PTK2: variants seen among roughly 807,000 people sequenced by gnomAD.
PTK2 encodes focal adhesion kinase 1.
PTK2 carries 45 observed loss-of-function variants against 150.1 expected under a neutral mutation model. The ratio of observed to expected loss-of-function variants is 0.30; its 90% CI spans 0.24 to 0.38. PTK2 has a LOEUF of 0.38. PTK2 is among the 10% of genes least tolerant of loss of function. PTK2 has a pLI of 1.00. For missense variants in PTK2, 919 were observed against 1,307.3 expected, an observed-to-expected ratio of 0.70 and a Z score of 4.58; for synonymous variants, 432 against 449.2, an observed-to-expected ratio of 0.96 and a Z score of 0.48.
At chr8:140,893,134 C>G (rs2100154789) in intron 2 of PTK2, among the ~76,000 whole-genome samples, 1 of 152,112 alleles carries the variant, frequency 6.6e-6, no homozygotes, top group Non-Finnish European at 1.5e-5. Context: ...TCAAGACCAG[C>G]CTGGGCAACA....
rs769518927 is a variant in PTK2, at chr8:140,764,312, T to C, written c.1178-22A>G. 1.3e-5 allele frequency: 20 copies of C among 1,584,906 alleles called. No homozygotes were observed. In the East Asian group the frequency reaches 1.6e-4, roughly 12 times the overall value. On this transcript the variant is annotated intron_variant, in intron 14 of 31. Coordinates refer to ENST00000522684, the Ensembl canonical transcript of PTK2. ...GTTTCTGCAGGAAAAGAAACAGATA[T>C]GTTGAAAGAGGTTAAACATCTGACC...
At chr8:140,889,045 A>T (rs1015894023) in intron 3 of PTK2, among the ~76,000 whole-genome samples, 9 of 152,190 alleles carry the variant, frequency 5.9e-5, no homozygotes, top group African/African-American at 2.2e-4. Flanking sequence ...TTAAAAGTAA[A>T]ACACAGAAGT....
chr8:140,749,349 G>T (rs986765711), intron 17 of PTK2, among the ~76,000 whole-genome samples: 2 of 151,860 alleles, frequency 1.3e-5, no homozygotes, highest in African/African-American at 4.8e-5. Context: ...TATAACTTTT[G>T]GTTTTATGTT....
intron 1 of PTK2, among the ~76,000 whole-genome samples, chr8:140,975,922 A>C (rs2100189126): frequency 6.6e-6 from 1 of 152,236 alleles, no homozygotes; most frequent in Admixed American, 6.5e-5. Context: ...AACTGAATGA[A>C]CCAGCTCAAG....
At chr8:140,762,964 T>C (rs530262628) in intron 15 of PTK2, among the ~76,000 whole-genome samples, 62 of 152,280 alleles carry the variant, frequency 4.1e-4, no homozygotes, top group Non-Finnish European at 1.5e-4. Flanking sequence ...TTGTTTTTGG[T>C]AGAGACAGGA....
At chr8:140,852,360 T>C (rs765358985) in intron 5 of PTK2, among the ~76,000 whole-genome samples, 1 of 152,216 alleles carries the variant, frequency 6.6e-6, no homozygotes, top group Non-Finnish European at 1.5e-5. Context: ...TTTGTGTCCA[T>C]AGGATAGTTC....
intron 14 of PTK2, among the ~76,000 whole-genome samples, chr8:140,768,774 C>G (rs1284838443): frequency 2.0e-5 from 3 of 152,196 alleles, no homozygotes; most frequent in Non-Finnish European, 4.4e-5. Flanking sequence ...AAAAATGAAG[C>G]TCAAATCTCT....
intron 31 of PTK2, among the ~76,000 whole-genome samples, chr8:140,662,416 T>C (rs887258958): frequency 3.3e-5 from 5 of 152,100 alleles, no homozygotes; most frequent in Non-Finnish European, 7.4e-5. Context: ...TGTTGACAAA[T>C]AGTCCCACTA....
chr8:140,962,100 G>C (rs1016738154), intron 1 of PTK2, among the ~76,000 whole-genome samples: 7 of 151,684 alleles, frequency 4.6e-5, no homozygotes, highest in African/African-American at 1.5e-4. Flanking sequence ...ACAAAAATTA[G>C]CCAGGAGCTA....
intron 1 of PTK2, among the ~76,000 whole-genome samples, chr8:140,979,556 G>A (rs896713220): frequency 1.8e-4 from 27 of 152,228 alleles, no homozygotes; most frequent in African/African-American, 6.5e-4. Flanking sequence ...TGACAAAACT[G>A]AAAAAGTCAG....
chr8:140,785,115 C>G (rs1356471589), intron 14 of PTK2, among the ~76,000 whole-genome samples: 1 of 152,140 alleles, frequency 6.6e-6, no homozygotes, highest in East Asian at 1.9e-4. Context: ...AATCTAGAAC[C>G]ATTTATAATG....
chr8:140,928,060 C>G (rs2100170364), intron 1 of PTK2, among the ~76,000 whole-genome samples: 1 of 137,110 alleles, frequency 7.3e-6, no homozygotes, highest in Non-Finnish European at 1.5e-5. Context: ...TTCCAAGCAA[C>G]AGACATAAAT....
intron 1 of PTK2, among the ~76,000 whole-genome samples, chr8:140,943,631 C>T (rs1257091506): frequency 1.3e-5 from 2 of 152,188 alleles, no homozygotes; most frequent in Non-Finnish European, 2.9e-5. Context: ...CTATGTTCAA[C>T]TTCATAAGAA....
chr8:140,669,353 A>C (rs2094416478), intron 29 of PTK2: 1 of 146,352 alleles, frequency 6.8e-6, no homozygotes, highest in African/African-American at 2.6e-5. Flanking sequence ...ACTTTTTAAA[A>C]AAGACCAACT....
intron 1 of PTK2, among the ~76,000 whole-genome samples, chr8:140,963,477 C>T: frequency 6.6e-6 from 1 of 152,162 alleles, no homozygotes; most frequent in Admixed American, 6.5e-5. Flanking sequence ...AAGATCCCTG[C>T]TCTCCAATTC....
intron 7 of PTK2, among the ~76,000 whole-genome samples, chr8:140,836,721 A>G (rs2100118863): frequency 6.6e-6 from 1 of 152,216 alleles, no homozygotes; most frequent in Non-Finnish European, 1.5e-5. Context: ...GGAATATCTT[A>G]CAGATATCAG....
At chr8:140,799,582 G>A (rs1278345357) in intron 12 of PTK2, among the ~76,000 whole-genome samples, 2 of 152,148 alleles carry the variant, frequency 1.3e-5, no homozygotes, top group African/African-American at 4.8e-5. Flanking sequence ...TCAAAGTCTA[G>A]GCTGATACAG....
intron 30 of PTK2, among the ~76,000 whole-genome samples, chr8:140,668,058 A>T (rs565632145): frequency 6.6e-6 from 1 of 152,348 alleles, no homozygotes; most frequent in African/African-American, 2.4e-5. Context: ...CCTAGTGTTT[A>T]CTGACAGAAG....
chr8:140,955,841 A>T (rs928731241), intron 1 of PTK2, among the ~76,000 whole-genome samples: 1 of 152,224 alleles, frequency 6.6e-6, no homozygotes, highest in African/African-American at 2.4e-5. Context: ...GGGGTAAAGA[A>T]GGTGGAGGCA....
Sources: gnomAD v4.1 joint callset for allele counts (sites outside exome capture counted in the v4.1 genomes callset) on GRCh38, gnomAD v4.1.1 for gene constraint, MANE v1.5 for transcripts, NCBI Gene and HGNC (gene_info 2026-07-23, HGNC 2026-07-21) for gene names.